The following STK32C variants were observed in gnomAD, a reference collection of about 807,000 sequenced individuals.
STK32C encodes the protein serine/threonine kinase 32C, also known as serine/threonine-protein kinase 32C.
In STK32C, 31 loss-of-function variants were observed where a neutral mutation model predicts 56.5. The observed-to-expected ratio is 0.55, with a 90% confidence interval of 0.41 to 0.74. STK32C has a LOEUF of 0.74. STK32C is among the 30% of genes least tolerant of loss of function. The pLI is 0.00. For synonymous variants in STK32C, 309 were observed against 289.4 expected (o/e 1.07, Z -0.69); for missense variants, 544 against 676.9 (o/e 0.80, Z 2.18).
chr10:132,223,370 A>C (rs1453527308), intron 8 of STK32C, among the ~76,000 whole-genome samples: 1 of 152,150 alleles, frequency 6.6e-6, no homozygotes, highest in African/African-American at 2.4e-5. Context: ...CCTTCACCGA[A>C]TCATGGGACC....
upstream of STK32C, among the ~76,000 whole-genome samples, chr10:132,308,441 C>G (rs1330032686): frequency 1.3e-5 from 2 of 152,176 alleles, no homozygotes; most frequent in Non-Finnish European, 2.9e-5. Flanking sequence ...GAGCCCTAAA[C>G]TCCAGCCTTC....
At chr10:132,282,114 C>G (rs370212087) in intron 1 of STK32C, among the ~76,000 whole-genome samples, 1 of 152,178 alleles carries the variant, frequency 6.6e-6, no homozygotes, top group Non-Finnish European at 1.5e-5. Context: ...GGCGGGGAGG[C>G]GCTACATTGT....
At chr10:132,238,295 T>G (rs2063367182) in intron 2 of STK32C, among the ~76,000 whole-genome samples, 1 of 152,192 alleles carries the variant, frequency 6.6e-6, no homozygotes, top group African/African-American at 2.4e-5. Flanking sequence ...ATGTAGGTTT[T>G]ATTATCACAC....
intron 1 of STK32C, among the ~76,000 whole-genome samples, chr10:132,302,952 A>C (rs1174817001): frequency 1.3e-5 from 2 of 152,168 alleles, no homozygotes; most frequent in African/African-American, 4.8e-5. Context: ...AACAAAATGA[A>C]CTTCAAAGCT....
At chr10:132,248,105 C>A (rs1036657772) in intron 1 of STK32C, among the ~76,000 whole-genome samples, 2 of 152,176 alleles carry the variant, frequency 1.3e-5, no homozygotes, top group Non-Finnish European at 2.9e-5. Flanking sequence ...GTCATCGAGG[C>A]AGAGGCTGCT....
chr10:132,256,438 G>T (rs374612042), intron 1 of STK32C, among the ~76,000 whole-genome samples: 1 of 152,166 alleles, frequency 6.6e-6, no homozygotes, highest in Non-Finnish European at 1.5e-5. Context: ...ATCATGTTCC[G>T]GTGTTTAATA....
chr10:132,244,131 GCCT>G (rs978781465), intron 2 of STK32C, among the ~76,000 whole-genome samples: 91 of 152,240 alleles, frequency 6.0e-4, no homozygotes, highest in African/African-American at 2.1e-3. Flanking sequence ...TCAGTGACAG[GCCT>G]CACCTCACCC....
intron 1 of STK32C, chr10:132,324,447 T>C: frequency 1.4e-6 from 1 of 697,008 alleles, no homozygotes; most frequent in South Asian, 1.5e-5. Context: ...GTATTTCAGT[T>C]GTCACATTGT....
In STK32C at chr10:132,328,775, G is replaced by A. The variant is rs946182874; in HGVS notation, c.301+2661C>T. ...GGTTTCACTTCCATGAAAGGAATGT[G>A]AAAAAACATACAACTTCTGCAGCGA... is the stretch of plus-strand genomic sequence containing the variant. On this transcript the variant is annotated intron_variant, in intron 1 of 1. Coordinates refer to the STK32C transcript ENST00000368619. Among the ~76,000 whole-genome samples, 4 of 152,334 alleles carry A rather than the reference G, an allele frequency of 2.6e-5. No homozygotes were observed. The Middle Eastern group carries it at 0.01, about 389-fold the overall frequency.
At chr10:132,220,550 G>T (rs2062605141) in intron 10 of STK32C, among the ~76,000 whole-genome samples, 1 of 152,218 alleles carries the variant, frequency 6.6e-6, no homozygotes, top group East Asian at 1.9e-4. Flanking sequence ...CTCAAAAGAG[G>T]ACTAAAGTCA....
chr10:132,256,843 G>C (rs1388592931), intron 1 of STK32C, among the ~76,000 whole-genome samples: 6 of 152,214 alleles, frequency 3.9e-5, no homozygotes, highest in African/African-American at 1.4e-4. Context: ...GGGGACCCCG[G>C]AGCTGCAATG....
chr10:132,320,087 A>G (rs750798128), downstream of STK32C, among the ~76,000 whole-genome samples: 8 of 152,114 alleles, frequency 5.3e-5, no homozygotes, highest in Non-Finnish European at 1.0e-4. Context: ...GAGGTTTATA[A>G]AGCCAAGAAA....
At chr10:132,253,573 T>TGGAGGGAGCTGGAGGGAGCC (rs2063997705) in intron 1 of STK32C, among the ~76,000 whole-genome samples, 1 of 101,796 alleles carries the variant, frequency 9.8e-6, no homozygotes, top group Non-Finnish European at 1.8e-5. Flanking sequence ...TCGAGGGAGC[T>TGGAGGGAGCTGGAGGGAGCC]GGAGGGAGCT....
intron 1 of STK32C, among the ~76,000 whole-genome samples, chr10:132,261,459 A>C (rs563885923): frequency 2.0e-5 from 3 of 152,200 alleles, no homozygotes; most frequent in Non-Finnish European, 4.4e-5. Flanking sequence ...GGGGAACTAC[A>C]AAATACTGCG....
At chr10:132,313,355 C>G (rs928616554) in intron 1 of STK32C, among the ~76,000 whole-genome samples, 1 of 152,256 alleles carries the variant, frequency 6.6e-6, no homozygotes, top group African/African-American at 2.4e-5. Context: ...CACACAGAGG[C>G]AGCCTCTAAG....
chr10:132,212,769 G>A (rs555221915), intron 10 of STK32C, among the ~76,000 whole-genome samples: 68 of 152,352 alleles, frequency 4.5e-4, no homozygotes, highest in African/African-American at 1.6e-3. Flanking sequence ...AACGTGGAAG[G>A]CCTCACTCCC....
intron 2 of STK32C, among the ~76,000 whole-genome samples, chr10:132,228,357 G>A (rs1453274288): frequency 6.6e-6 from 1 of 152,162 alleles, no homozygotes; most frequent in African/African-American, 2.4e-5. Flanking sequence ...TGGAGGCCGT[G>A]ATTCTGCCCC....
intron 2 of STK32C, among the ~76,000 whole-genome samples, chr10:132,237,181 TGCTCCCTGG>T (rs1299166876): frequency 2.1e-3 from 108 of 51,828 alleles, no homozygotes; most frequent in Admixed American, 7.0e-3. Context: ...TCCCTGACTG[TGCTCCCTGG>T]ACTGTGCTCC....
At chr10:132,240,775 G>A (rs1321170106) in intron 2 of STK32C, among the ~76,000 whole-genome samples, 2 of 152,104 alleles carry the variant, frequency 1.3e-5, no homozygotes, top group Admixed American at 6.5e-5. Context: ...CCAGCCAGGG[G>A]GGTTAGAGAG....
Sources: allele counts gnomAD v4.1 joint callset (sites outside exome capture counted in the v4.1 genomes callset), GRCh38; gene constraint gnomAD v4.1.1; transcripts MANE v1.5; gene names NCBI Gene and HGNC (gene_info 2026-07-23, HGNC 2026-07-21).